Variants in MGAM2 observed in about 807,000 individuals in gnomAD.
MGAM2 encodes probable maltase-glucoamylase 2.
A neutral mutation model predicts 96.1 loss-of-function variants in MGAM2; 98 were observed. The ratio of observed to expected loss-of-function variants is 1.02; its 90% CI spans 0.87 to 1.21. The LOEUF (loss-of-function observed/expected upper bound fraction) is 1.21, where lower values mean the gene tolerates loss of function less well. Ranked by LOEUF, MGAM2 falls within the 50% of genes most tolerant of loss-of-function variation. MGAM2 has a pLI of 0.00. For synonymous variants in MGAM2, 749 were observed against 414.8 expected (o/e 1.81, Z -9.79); for missense variants, 2,055 against 1,182.4 (o/e 1.74, Z -10.82).
rs573474408 is a variant in MGAM2, at chr7:142,184,206, C to T, written c.3924+833C>T. On this transcript the variant is annotated intron_variant, in intron 33 of 47. Coordinates refer to ENST00000477922, the MANE Select transcript of MGAM2 (RefSeq NM_001293626.2). ...CAGGCTGGTCTCGAACTCATGACTT[C>T]TGGTGATCCACCTGCCTCGGCCTCC... Among the ~76,000 whole-genome samples the T allele has an allele frequency of 7.9e-5, 12 of 152,114 alleles. 1 individual carries two copies. The South Asian group carries it at 2.5e-3, about 32-fold the overall frequency.
intron 46 of MGAM2, among the ~76,000 whole-genome samples, chr7:142,215,028 A>G (rs1797712118): frequency 6.6e-6 from 1 of 152,234 alleles, no homozygotes; most frequent in Non-Finnish European, 1.5e-5. Flanking sequence ...ACTGTTCACA[A>G]TAGCAAAGAC....
At chr7:142,190,644 A>G in intron 37 of MGAM2, among the ~76,000 whole-genome samples, 1 of 152,038 alleles carries the variant, frequency 6.6e-6, no homozygotes, top group South Asian at 2.1e-4. Flanking sequence ...CATCCTTGCC[A>G]ACACTCGGTG....
Position 142,220,474 on chromosome 7 carries a change from C to T in MGAM2, c.5963C>T (p.Thr1988Ile), listed in dbSNP as rs1189724648. The change falls in exon 48 of 48, where the codon ACT becomes ATT. Residue 1988 changes from threonine (T) to isoleucine (I), a missense_variant. By Grantham distance (89) the Thr-to-Ile change is moderately conservative. Transcript: ENST00000477922. ...PITTTPFATS[T>I]ISVTTSTTVP... ...ACAACCACACCTTTTGCAACAAGTA[C>T]TATTAGTGTTACAACTAGTACTACT... The T allele has an allele frequency of 4.3e-6, 3 of 702,520 alleles. No homozygotes were observed. Among genetic ancestry groups the T allele is most frequent in the Non-Finnish European group, 7.8e-6 (3 of 384,894 alleles). 43.5% of individuals were successfully genotyped at this position (702,520 alleles called of 1,614,324 possible). A position where few individuals can be genotyped will look rare whatever the true frequency, so the allele number is the denominator to read the frequency against.
intron 17 of MGAM2, among the ~76,000 whole-genome samples, chr7:142,156,958 T>C (rs11773496): frequency 0.3 from 45,335 of 152,010 alleles, 7,040 homozygotes; most frequent in Non-Finnish European, 0.33. Flanking sequence ...TTTCTTCTAA[T>C]GGGTTATTTT....
chr7:142,203,591 A>G (rs1195770264), intron 45 of MGAM2, among the ~76,000 whole-genome samples: 2 of 152,104 alleles, frequency 1.3e-5, no homozygotes, highest in East Asian at 3.8e-4. Context: ...ACTACCCAAC[A>G]TCAAGCTGTA....
chr7:142,142,271 T>G (rs138244249), intron 12 of MGAM2, among the ~76,000 whole-genome samples: 2 of 152,186 alleles, frequency 1.3e-5, no homozygotes, highest in Non-Finnish European at 2.9e-5. Flanking sequence ...TCTAAAATAT[T>G]AGATAAGCCC....
chr7:142,154,700 C>T (rs1388313131), intron 16 of MGAM2, 29 bp from the exon 17 acceptor site: 1 of 701,562 alleles, frequency 1.4e-6, no homozygotes, highest in Non-Finnish European at 2.6e-6. Context: ...TCATTGACCA[C>T]AGTGCTTGTA....
chr7:142,123,180 T>A, intron 3 of MGAM2, among the ~76,000 whole-genome samples: 1 of 152,042 alleles, frequency 6.6e-6, no homozygotes, highest in Non-Finnish European at 1.5e-5. Context: ...TCTTTTTTTT[T>A]TTTCTGTATC....
chr7:142,197,370 G>A (rs1014037938), intron 40 of MGAM2, 30 bp from the exon 41 acceptor site: 49 of 699,732 alleles, frequency 7.0e-5, no homozygotes, highest in African/African-American at 6.5e-4. Flanking sequence ...AAGAAGAGGT[G>A]ATCCATTATA....
Position 142,166,254 on chromosome 7 carries a change from G to A in MGAM2, c.2808+1G>A, listed in dbSNP as rs1182653990. On this transcript the variant is annotated splice_donor_variant, in intron 25 of 47. Transcript: ENST00000477922. LOFTEE classifies it high-confidence loss of function. ...TAGGCAGCGGGGGTGTCTTTGGGAGGTAAATGACCAGAAACAGATTACCTC... is the reference window on the plus strand; with the variant it reads ...TAGGCAGCGGGGGTGTCTTTGGGAGATAAATGACCAGAAACAGATTACCTC... The A allele has an allele frequency of 1.4e-6, 1 of 697,348 alleles. No homozygotes were observed. Among genetic ancestry groups the A allele is most frequent in the Admixed American group, 2.0e-5 (1 of 48,862 alleles). 43.2% of individuals were successfully genotyped at this position (697,348 alleles called of 1,614,324 possible). A position where few individuals can be genotyped will look rare whatever the true frequency, so the allele number is the denominator to read the frequency against.
chr7:142,156,237 T>C (rs1189522410), intron 17 of MGAM2, among the ~76,000 whole-genome samples: 1 of 152,166 alleles, frequency 6.6e-6, no homozygotes, highest in Non-Finnish European at 1.5e-5. Context: ...TATATGTGTG[T>C]GTGTGTCTGT....
chr7:142,114,153 G>GAAAGAAA (rs1817276797), intron 1 of MGAM2, among the ~76,000 whole-genome samples: 4 of 87,008 alleles, frequency 4.6e-5, no homozygotes, highest in Non-Finnish European at 8.6e-5. Context: ...AAAGAAAGAA[G>GAAAGAAA]GAAAGAAAGA....
intron 37 of MGAM2, among the ~76,000 whole-genome samples, chr7:142,192,817 A>G (rs1293896269): frequency 6.6e-6 from 1 of 152,086 alleles, no homozygotes; most frequent in Non-Finnish European, 1.5e-5. Context: ...ATTATTTTTT[A>G]TCTTCTTCCT....
At chr7:142,209,164 C>T (rs1797502144) in intron 46 of MGAM2, among the ~76,000 whole-genome samples, 1 of 152,126 alleles carries the variant, frequency 6.6e-6, no homozygotes, top group Admixed American at 6.5e-5. Context: ...AGCTGACTCT[C>T]ATATGATTTA....
intron 22 of MGAM2, 33 bp downstream of exon 22, chr7:142,161,246 C>A: frequency 1.4e-6 from 1 of 700,146 alleles, no homozygotes; most frequent in South Asian, 1.5e-5. Flanking sequence ...CCCTGTGGAT[C>A]ACTGTGGTTC....
rs1044224255 is a variant in MGAM2, at chr7:142,120,316, C to T, written c.121C>T (p.Pro41Ser). ...LEETSDTSFT[P>S]ECPEIPQSER... Reference sequence around the variant, plus strand: ...TTCCTATGCAGATACTTCATTTACTCCAGAGTGCCCAGAGATTCCCCAGTC... The same window carrying T: ...TTCCTATGCAGATACTTCATTTACTTCAGAGTGCCCAGAGATTCCCCAGTC... Residue 41 changes from proline to serine, a missense_variant, in exon 3 of 48, where the codon CCA (proline) becomes TCA (serine). By Grantham distance (74) the Pro-to-Ser change is moderately conservative. Transcript: ENST00000477922. 3.3e-5 allele frequency: 23 copies of T among 703,036 alleles called. No homozygotes were observed. In the Middle Eastern group the frequency reaches 6.9e-4, roughly 21 times the overall value. The allele number at this position is 703,036 out of a possible 1,614,324, so 43.5% of individuals were successfully genotyped here. A position where few individuals can be genotyped will look rare whatever the true frequency, so the allele number is the denominator to read the frequency against.
chr7:142,185,061 C>T lies in MGAM2; in HGVS notation c.3925-16C>T. ...AAGGATCTGTAAAGGTTTTAATTGC[C>T]CTTCTTTTTCTCTAGGTTTGGCCAG... On this transcript the variant is annotated splice_polypyrimidine_tract_variant and intron_variant, in intron 33 of 47. Coordinates refer to ENST00000477922, the MANE Select transcript of MGAM2 (RefSeq NM_001293626.2). 2.8e-6 allele frequency: 2 copies of T among 702,452 alleles called. No individual in the cohort carries two copies. Among genetic ancestry groups the T allele is most frequent in the South Asian group, 1.5e-5 (1 of 67,504 alleles). The allele number at this position is 702,452 out of a possible 1,614,324, so 43.5% of individuals were successfully genotyped here.
At chr7:142,133,038 T>C (rs1781065936) in intron 6 of MGAM2, among the ~76,000 whole-genome samples, 1 of 132,862 alleles carries the variant, frequency 7.5e-6, no homozygotes, top group African/African-American at 2.9e-5. Flanking sequence ...TTTAATTATA[T>C]TTAGTTTTAA....
intron 2 of MGAM2, 44 bp from the exon 3 acceptor site, chr7:142,120,258 A>T: frequency 1.4e-6 from 1 of 700,604 alleles, no homozygotes; most frequent in Middle Eastern, 2.3e-4. Flanking sequence ...TGGAGCTGTG[A>T]TTACACTACA....
Sources: gnomAD v4.1 joint callset for allele counts (sites outside exome capture counted in the v4.1 genomes callset) on GRCh38, gnomAD v4.1.1 for gene constraint, MANE v1.5 for transcripts, NCBI Gene and HGNC (gene_info 2026-07-23, HGNC 2026-07-21) for gene names.